Variants in KIZ observed in about 807,000 individuals in gnomAD.
KIZ encodes the protein centrosomal protein kizuna.
KIZ carries 68 observed loss-of-function variants against 79.6 expected under a neutral mutation model. That is an observed-to-expected ratio of 0.85 (90% CI 0.70 to 1.05). The LOEUF is 1.05. KIZ is among the 50% of genes least tolerant of loss of function. The pLI, the probability that KIZ is intolerant of heterozygous loss-of-function variation, is 0.00. For missense variants in KIZ, 797 were observed against 800.4 expected (o/e 1.00, Z 0.05); for synonymous variants, 280 against 281.8 (o/e 0.99, Z 0.06).
chr20:21,158,654 T>TA (rs1156628911), intron 4 of KIZ: 2 of 152,214 alleles, frequency 1.3e-5, no homozygotes, highest in East Asian at 1.9e-4. Flanking sequence ...GCAAGAAACT[T>TA]AGAGTTGCTT....
At chr20:21,198,956 T>G (rs1037737313) in intron 6 of KIZ, among the ~76,000 whole-genome samples, 1 of 152,216 alleles carries the variant, frequency 6.6e-6, no homozygotes, top group Non-Finnish European at 1.5e-5. Flanking sequence ...TTGGTGATTG[T>G]GTGTTAGAAG....
chr20:21,186,252 A>G (rs1191580096), intron 6 of KIZ, among the ~76,000 whole-genome samples: 1 of 152,076 alleles, frequency 6.6e-6, no homozygotes, highest in Admixed American at 6.5e-5. Flanking sequence ...AGGATAGCCA[A>G]ATCCCTAAAA....
intron 11 of KIZ, among the ~76,000 whole-genome samples, chr20:21,238,132 G>C (rs911336439): frequency 3.3e-5 from 5 of 152,068 alleles, no homozygotes; most frequent in Non-Finnish European, 7.4e-5. Context: ...CCCAGCGGCA[G>C]GTTTCTTAAT....
At chr20:21,232,887 C>T in intron 11 of KIZ, 57 bp downstream of exon 11, 1 of 777,900 alleles carries the variant, frequency 1.3e-6, no homozygotes, top group South Asian at 1.5e-5. Context: ...TGTCACAGCG[C>T]AATGAATTAA....
chr20:21,157,485 G>T (rs2033440437), intron 4 of KIZ, among the ~76,000 whole-genome samples: 1 of 152,054 alleles, frequency 6.6e-6, no homozygotes, highest in Non-Finnish European at 1.5e-5. Flanking sequence ...CTCTTTTTGG[G>T]AAATAAACCT....
chr20:21,198,328 C>G (rs2035445440), intron 6 of KIZ: 1 of 152,536 alleles, frequency 6.6e-6, no homozygotes, highest in African/African-American at 2.4e-5. Flanking sequence ...TCCCAAAGTG[C>G]TGGAATTACA....
At chr20:21,148,547 C>G (rs1394581529) in intron 4 of KIZ, among the ~76,000 whole-genome samples, 2 of 152,158 alleles carry the variant, frequency 1.3e-5, no homozygotes, top group Non-Finnish European at 2.9e-5. Context: ...CAGATCCTCA[C>G]AAATTTTACT....
chr20:21,218,902 C>T (rs1022121787), intron 9 of KIZ, among the ~76,000 whole-genome samples: 1 of 152,230 alleles, frequency 6.6e-6, no homozygotes, highest in Non-Finnish European at 1.5e-5. Context: ...CTTGTTACAG[C>T]TGTTCCTTGA....
At position 21,162,387 on chromosome 20, in the gene KIZ, CAT is replaced by C. The variant is rs2033715215; in HGVS notation, c.925_926del (p.Ile309Ter). On this transcript the variant is annotated frameshift_variant, in exon 5 of 13. Transcript: ENST00000619189. LOFTEE classifies it high-confidence loss of function. Reference protein sequence around the residue: ...GSEGEILTREHIEVEEKRASP... With the variant: ...GSEGEILTREXIEVEEKRASP... ...AGAGGGAGAAATACTGACACGGGAA[CAT>C]ATTGAAGTTGAGGAAAAAAGAGCCA... 1.2e-6 allele frequency: 2 copies of C among 1,613,560 alleles called. No homozygotes were observed. Among genetic ancestry groups the C allele is most frequent in the Admixed American group, 1.7e-5 (1 of 59,970 alleles).
chr20:21,241,934 C>T (rs1297617392), intron 11 of KIZ, among the ~76,000 whole-genome samples: 1 of 151,508 alleles, frequency 6.6e-6, no homozygotes, highest in Admixed American at 6.6e-5. Flanking sequence ...AAACTTGATT[C>T]TGAAGTGCAA....
Position 21,232,774 on chromosome 20 carries a change from T to C in KIZ, c.1824T>C (p.Ala608=), listed in dbSNP as rs781098743. Residue 608 remains alanine, a synonymous_variant, in exon 11 of 13, where the codon GCT becomes GCC. Coordinates refer to ENST00000619189, the MANE Select transcript of KIZ (RefSeq NM_018474.6). ...GCGGTGCATTCGAGACAAAGACAGC[T>C]AACAAAATTGCTTCGGAAGCTAGTT... The part of the protein sequence containing the change: ...IGSGAFETKT[A]NKIASEASFS... 1 of 1,596,094 alleles carries C rather than the reference T, an allele frequency of 6.3e-7. No individual in the cohort carries two copies. The highest frequency in any genetic ancestry group is 8.6e-7 in the Non-Finnish European group (1 of 1,168,992).
intron 4 of KIZ, among the ~76,000 whole-genome samples, chr20:21,153,602 G>A (rs1284888623): frequency 6.6e-6 from 1 of 152,142 alleles, no homozygotes; most frequent in African/African-American, 2.4e-5. Context: ...GTATTAGTTT[G>A]CTAGGGCTGC....
At chr20:21,202,733 C>T (rs2035647739) in intron 6 of KIZ, among the ~76,000 whole-genome samples, 2 of 152,218 alleles carry the variant, frequency 1.3e-5, no homozygotes, top group African/African-American at 4.8e-5. Context: ...CCAGATTGTA[C>T]TCCTGACATT....
chr20:21,216,773 C>T (rs2123319153), intron 9 of KIZ, among the ~76,000 whole-genome samples: 1 of 152,152 alleles, frequency 6.6e-6, no homozygotes, highest in South Asian at 2.1e-4. Context: ...TATCTAATGG[C>T]CTCTGAATTT....
intron 6 of KIZ, among the ~76,000 whole-genome samples, chr20:21,172,419 G>A (rs1352803539): frequency 5.3e-5 from 8 of 152,002 alleles, no homozygotes; most frequent in Non-Finnish European, 8.8e-5. Flanking sequence ...CCTGGGCAAC[G>A]TGGTGAAACC....
chr20:21,146,190 C>A (rs2032837113), intron 4 of KIZ, among the ~76,000 whole-genome samples: 1 of 152,166 alleles, frequency 6.6e-6, no homozygotes, highest in Admixed American at 6.5e-5. Flanking sequence ...CTGTTCAAGA[C>A]CGTAGATGTT....
chr20:21,241,238 A>G (rs1329157518), intron 11 of KIZ, among the ~76,000 whole-genome samples: 2 of 152,214 alleles, frequency 1.3e-5, no homozygotes, highest in Non-Finnish European at 2.9e-5. Flanking sequence ...CATATTAGGT[A>G]TGACCTAGAG....
chr20:21,192,420 G>A (rs2035150496), intron 6 of KIZ, among the ~76,000 whole-genome samples: 1 of 151,844 alleles, frequency 6.6e-6, no homozygotes, highest in African/African-American at 2.4e-5. Flanking sequence ...GAGTAGCTGG[G>A]ACTGCAGGCT....
At chr20:21,167,614 T>A (rs2034005454) in intron 6 of KIZ, among the ~76,000 whole-genome samples, 1 of 138,022 alleles carries the variant, frequency 7.2e-6, no homozygotes, top group Admixed American at 8.3e-5. Flanking sequence ...CAGGCTGGAG[T>A]ACAATGGCAC....
Sources: gnomAD v4.1 joint callset for allele counts (sites outside exome capture counted in the v4.1 genomes callset) on GRCh38, gnomAD v4.1.1 for gene constraint, MANE v1.5 for transcripts, NCBI Gene and HGNC (gene_info 2026-07-23, HGNC 2026-07-21) for gene names.